Variants in GNAQ observed in about 807,000 individuals in gnomAD.
The protein encoded by GNAQ is G protein subunit alpha q.
GNAQ carries 8 observed loss-of-function variants against 43.9 expected under a neutral mutation model. That is an observed-to-expected ratio of 0.18 (90% CI 0.11 to 0.33). The LOEUF (loss-of-function observed/expected upper bound fraction) is 0.33. Ranked by LOEUF, GNAQ falls within the 10% of genes least tolerant of loss-of-function variation. The pLI, the probability that GNAQ is intolerant of heterozygous loss-of-function variation, is 1.00. For synonymous variants in GNAQ, 155 were observed against 170.7 expected (o/e 0.91, Z 0.71); for missense variants, 158 against 450.8 (o/e 0.35, Z 5.88).
At chr9:78,030,732 C>T in intron 1 of GNAQ, 1 of 369,260 alleles carries the variant, frequency 2.7e-6, no homozygotes, top group South Asian at 2.1e-5. Flanking sequence ...AGTTCAACCC[C>T]TCTGCCCACC....
chr9:77,865,667 G>C (rs1255109334), intron 2 of GNAQ, among the ~76,000 whole-genome samples: 1 of 152,198 alleles, frequency 6.6e-6, no homozygotes, highest in East Asian at 1.9e-4. Context: ...GCCCAGCTCT[G>C]CCAGTCACAG....
intron 3 of GNAQ, among the ~76,000 whole-genome samples, chr9:77,797,937 T>C (rs1407848388): frequency 6.6e-6 from 1 of 152,240 alleles, no homozygotes; most frequent in Non-Finnish European, 1.5e-5. Context: ...GAAATTCAAA[T>C]TAGTTTCCTA....
At chr9:77,899,604 A>T (rs1043871863) in intron 2 of GNAQ, among the ~76,000 whole-genome samples, 18 of 152,160 alleles carry the variant, frequency 1.2e-4, no homozygotes, top group South Asian at 4.1e-4. Flanking sequence ...AAAGGAATAT[A>T]ATCATATGAA....
intron 2 of GNAQ, among the ~76,000 whole-genome samples, chr9:77,850,823 C>T (rs1465797730): frequency 6.6e-6 from 1 of 152,172 alleles, no homozygotes; most frequent in African/African-American, 2.4e-5. Flanking sequence ...CTCCTTTTCT[C>T]TGCAGGCTCT....
chr9:77,900,229 T>C (rs1370880258), intron 2 of GNAQ, among the ~76,000 whole-genome samples: 1 of 152,188 alleles, frequency 6.6e-6, no homozygotes, highest in Non-Finnish European at 1.5e-5. Flanking sequence ...AAATTTAGAA[T>C]GTGGAGGCCA....
chr9:77,875,194 T>C (rs1828108075), intron 2 of GNAQ, among the ~76,000 whole-genome samples: 1 of 152,204 alleles, frequency 6.6e-6, no homozygotes, highest in Non-Finnish European at 1.5e-5. Flanking sequence ...GGTCGGCTGG[T>C]TACCCTGCAT....
chr9:77,998,551 G>T (rs1028967923), intron 1 of GNAQ, among the ~76,000 whole-genome samples: 1 of 152,108 alleles, frequency 6.6e-6, no homozygotes, highest in Non-Finnish European at 1.5e-5. Flanking sequence ...TTTATAAAAG[G>T]TACACATATA....
chr9:77,984,107 G>A (rs1332383630), intron 1 of GNAQ, among the ~76,000 whole-genome samples: 1 of 145,422 alleles, frequency 6.9e-6, no homozygotes, highest in East Asian at 2.0e-4. Flanking sequence ...ATCTAGGCAG[G>A]TAGGGCACAA....
intron 3 of GNAQ, among the ~76,000 whole-genome samples, chr9:77,802,346 G>T (rs1338665035): frequency 2.6e-5 from 4 of 152,076 alleles, no homozygotes; most frequent in African/African-American, 9.7e-5. Context: ...GGGAAAAAGG[G>T]AACTTTGTTC....
chr9:77,750,286 G>T (rs992336575), intron 5 of GNAQ, among the ~76,000 whole-genome samples: 1 of 152,080 alleles, frequency 6.6e-6, no homozygotes, highest in Admixed American at 6.5e-5. Context: ...AGATGTTTTT[G>T]ATATTCAATC....
intron 1 of GNAQ, among the ~76,000 whole-genome samples, chr9:78,029,095 T>A (rs1487447779): frequency 5.3e-5 from 8 of 152,168 alleles, no homozygotes. Flanking sequence ...ATACACAGTA[T>A]GGAATTAAGC....
At chr9:77,749,232 C>G (rs995027232) in intron 5 of GNAQ, among the ~76,000 whole-genome samples, 2 of 152,180 alleles carry the variant, frequency 1.3e-5, no homozygotes, top group Non-Finnish European at 2.9e-5. Context: ...GTCAAAACAT[C>G]CCACTCAAAC....
chr9:77,927,704 T>A (rs1829090135), intron 1 of GNAQ, among the ~76,000 whole-genome samples: 1 of 152,142 alleles, frequency 6.6e-6, no homozygotes, highest in Non-Finnish European at 1.5e-5. Flanking sequence ...ACCAAAACTG[T>A]GGCATTTAAA....
chr9:77,837,075 G>A (rs1827400278), intron 2 of GNAQ, among the ~76,000 whole-genome samples: 1 of 152,046 alleles, frequency 6.6e-6, no homozygotes, highest in Non-Finnish European at 1.5e-5. Context: ...AAATTCAGTG[G>A]CTCTTCTTCA....
chr9:77,772,295 T>C (rs924384553), intron 5 of GNAQ, among the ~76,000 whole-genome samples: 5 of 152,222 alleles, frequency 3.3e-5, no homozygotes, highest in African/African-American at 1.2e-4. Context: ...ATGCTGCTCA[T>C]GACCCCATCA....
chr9:77,825,386 T>C (rs1827177251), intron 2 of GNAQ, among the ~76,000 whole-genome samples: 1 of 152,180 alleles, frequency 6.6e-6, no homozygotes, highest in South Asian at 2.1e-4. Flanking sequence ...AACTGCCCAC[T>C]GACCCTACTC....
chr9:78,030,649 T>C, intron 1 of GNAQ: 1 of 431,228 alleles, frequency 2.3e-6, no homozygotes, highest in Non-Finnish European at 4.9e-6. Flanking sequence ...CCGGCTCCGC[T>C]CGCCACCCGC....
intron 2 of GNAQ, among the ~76,000 whole-genome samples, chr9:77,836,362 C>T (rs968518680): frequency 6.6e-6 from 1 of 152,172 alleles, no homozygotes; most frequent in African/African-American, 2.4e-5. Context: ...CTTTCCTTAG[C>T]AGTGAACTTT....
chr9:77,836,231 C>CG (rs1343666248), intron 2 of GNAQ, among the ~76,000 whole-genome samples: 1 of 96,674 alleles, frequency 1.0e-5, no homozygotes. Context: ...TGATTAAAAG[C>CG]CCCCCCCGGA....
Sources: gnomAD v4.1 joint callset for allele counts (sites outside exome capture counted in the v4.1 genomes callset) on GRCh38, gnomAD v4.1.1 for gene constraint, MANE v1.5 for transcripts, NCBI Gene and HGNC (gene_info 2026-07-23, HGNC 2026-07-21) for gene names.